Variants in MKRN2 observed in about 807,000 individuals in gnomAD.
MKRN2 encodes the protein E3 ubiquitin-protein ligase makorin-2.
A neutral mutation model predicts 45.4 loss-of-function variants in MKRN2; 32 were observed. The observed-to-expected ratio is 0.70, with a 90% CI of 0.53 to 0.95. The LOEUF (loss-of-function observed/expected upper bound fraction) is 0.95. MKRN2 is among the 40% of genes least tolerant of loss of function. The probability of loss-of-function intolerance (pLI) is 0.00; values close to 1 mark genes in which losing one functional copy is unlikely to be tolerated. For synonymous variants in MKRN2, 206 were observed against 192.4 expected (o/e 1.07, Z -0.59); for missense variants, 526 against 536.7 (o/e 0.98, Z 0.20).
rs1446690878 is a variant in MKRN2, at chr3:12,582,808, T to C, written c.*555T>C. On this transcript the variant is annotated 3_prime_UTR_variant, in exon 8 of 8. Coordinates refer to ENST00000170447, the MANE Select transcript of MKRN2 (RefSeq NM_014160.5). ...CAACTTTTTTCTAGGGCTTTAAGGG[T>C]GGTCATTTTTTTCAAGTTCTCTCAA... The C allele has an allele frequency of 6.5e-6, 1 of 152,776 alleles. No individual in the cohort carries two copies. The highest frequency in any genetic ancestry group is 2.4e-5 in the African/African-American group (1 of 41,422). The allele number at this position is 152,776 out of a possible 1,614,324, so 9.5% of individuals were successfully genotyped here. A position where few individuals can be genotyped will look rare whatever the true frequency, so the allele number is the denominator to read the frequency against.
intron 1 of MKRN2, among the ~76,000 whole-genome samples, chr3:12,560,362 C>T (rs949295402): frequency 2.6e-4 from 39 of 151,564 alleles, no homozygotes; most frequent in African/African-American, 8.5e-4. Context: ...CTAATCAGTA[C>T]ATTTATTGCA....
At chr3:12,557,260 C>A in intron 1 of MKRN2, 84 bp downstream of exon 1, 1 of 1,489,684 alleles carries the variant, frequency 6.7e-7, no homozygotes, top group South Asian at 1.2e-5. Context: ...GGTCCGGGAA[C>A]CTGAGGCTAG....
chr3:12,572,308 T>C lies in MKRN2; in HGVS notation c.577T>C (p.Cys193Arg). ...CTGTGTCTACCTGCACGGGGAGGTG[T>C]GTGAAATCTGTAGGCTGCAAGTCTT... Reference protein sequence around the residue: ...DACVYLHGEVCEICRLQVLHP... With the variant: ...DACVYLHGEVREICRLQVLHP... The change falls in exon 4 of 8, where the codon TGT becomes CGT. Residue 193 changes from cysteine (C) to arginine (R), a missense_variant. Transcript: ENST00000170447. 6.2e-7 allele frequency: 1 copy of C among 1,611,574 alleles called. No individual in the cohort carries two copies. The highest frequency in any genetic ancestry group is 8.5e-7 in the Non-Finnish European group (1 of 1,178,022).
At chr3:12,560,881 T>C (rs2058031616) in intron 1 of MKRN2, 1 of 152,204 alleles carries the variant, frequency 6.6e-6, no homozygotes. Flanking sequence ...GGTTGAGCAG[T>C]TGGAAATTCA....
chr3:12,560,408 C>G (rs536676967), intron 1 of MKRN2, among the ~76,000 whole-genome samples: 1 of 151,520 alleles, frequency 6.6e-6, no homozygotes, highest in Admixed American at 6.6e-5. Context: ...CTTCCTTCCC[C>G]CTCAGTGGAT....
intron 1 of MKRN2, among the ~76,000 whole-genome samples, chr3:12,559,414 C>T (rs551508628): frequency 3.3e-5 from 5 of 152,022 alleles, no homozygotes; most frequent in African/African-American, 1.2e-4. Flanking sequence ...GCAGCGTGTG[C>T]GGTTTTTTGT....
chr3:12,565,266 C>T (rs58510799), intron 1 of MKRN2, among the ~76,000 whole-genome samples: 1,978 of 152,282 alleles, frequency 0.013, 38 homozygotes, highest in African/African-American at 0.045. Flanking sequence ...CTAGGTCCCA[C>T]GTACAGCCTC....
intron 4 of MKRN2, among the ~76,000 whole-genome samples, chr3:12,573,753 T>A (rs988342739): frequency 2.0e-5 from 3 of 151,696 alleles, no homozygotes; most frequent in Non-Finnish European, 4.4e-5. Flanking sequence ...GTTAACTGGG[T>A]GTGGTGGCGG....
rs7956 is a variant in MKRN2, at chr3:12,583,264, T to C, written c.*1011T>C. Reference sequence around the variant, plus strand: ...TTTGATTTTAATTGAAGGGTGAGCATAACCTTGTGAACCAGCACTAGCTTG... The same window carrying C: ...TTTGATTTTAATTGAAGGGTGAGCACAACCTTGTGAACCAGCACTAGCTTG... On this transcript the variant is annotated 3_prime_UTR_variant, in exon 8 of 8. Coordinates refer to ENST00000170447, the MANE Select transcript of MKRN2 (RefSeq NM_014160.5). The C allele has an allele frequency of 0.25, 38,268 of 152,414 alleles. 5,309 individuals carry two copies. Among genetic ancestry groups the C allele is most frequent in the African/African-American group, 0.36 (14,985 of 41,474 alleles). The allele number at this position is 152,414 out of a possible 1,614,324, so 9.4% of individuals were successfully genotyped here.
intron 1 of MKRN2, among the ~76,000 whole-genome samples, chr3:12,562,990 C>A (rs982462297): frequency 2.0e-5 from 3 of 152,162 alleles, no homozygotes; most frequent in Non-Finnish European, 2.9e-5. Context: ...CCCATCCCCC[C>A]ATTCCGTGGA....
intron 1 of MKRN2, among the ~76,000 whole-genome samples, chr3:12,560,592 T>C (rs1194538767): frequency 6.6e-6 from 1 of 152,084 alleles, no homozygotes; most frequent in East Asian, 1.9e-4. Flanking sequence ...AGAAACCAGA[T>C]TGATTGTTTT....
At chr3:12,577,164 C>T (rs1166777334) in intron 6 of MKRN2, 1 of 153,222 alleles carries the variant, frequency 6.5e-6, no homozygotes, top group African/African-American at 2.4e-5. Context: ...GTCTTGAACT[C>T]CTAGGCTCAA....
intron 2 of MKRN2, among the ~76,000 whole-genome samples, chr3:12,569,280 G>A (rs1160792170): frequency 6.6e-6 from 1 of 151,006 alleles, no homozygotes. Context: ...AGCCTCCCAA[G>A]TAGCTGAGAT....
intron 1 of MKRN2, among the ~76,000 whole-genome samples, chr3:12,566,997 C>T (rs1225720515): frequency 2.0e-5 from 3 of 152,144 alleles, no homozygotes; most frequent in African/African-American, 4.8e-5. Flanking sequence ...AATAGCTGTT[C>T]TTAAGGTCTT....
At chr3:12,571,014 G>C (rs1266515762) in intron 3 of MKRN2, among the ~76,000 whole-genome samples, 1 of 152,162 alleles carries the variant, frequency 6.6e-6, no homozygotes, top group Non-Finnish European at 1.5e-5. Context: ...GCACCTTTGG[G>C]AAAAGAATAG....
intron 1 of MKRN2, among the ~76,000 whole-genome samples, chr3:12,558,439 C>T (rs1023780829): frequency 6.6e-6 from 1 of 152,142 alleles, no homozygotes; most frequent in Admixed American, 6.5e-5. Flanking sequence ...AGCTTGTAGC[C>T]TCCTAGAAAA....
rs1019069181 is a variant in MKRN2 at position 12,582,914 on chromosome 3, G to A, written c.*661G>A. On this transcript the variant is annotated 3_prime_UTR_variant, in exon 8 of 8. Transcript: ENST00000170447. Reference sequence around the variant, plus strand: ...AGTATAGATCTTCTTCTCCCTTAGGGAGGCTCTTGAAGGAGCAGGAGGTAC... The same window carrying A: ...AGTATAGATCTTCTTCTCCCTTAGGAAGGCTCTTGAAGGAGCAGGAGGTAC... 5 of 152,474 alleles carry A rather than the reference G, an allele frequency of 3.3e-5. No homozygotes were observed. 9.4% of individuals were successfully genotyped at this position (152,474 alleles called of 1,614,324 possible). A position where few individuals can be genotyped will look rare whatever the true frequency, so the allele number is the denominator to read the frequency against.
rs1434948482 is a variant in MKRN2 at position 12,582,238 on chromosome 3, A to G, written c.1236A>G (p.Glu412=). 1 of 1,614,108 alleles carries G rather than the reference A, an allele frequency of 6.2e-7. No homozygotes were observed. Among genetic ancestry groups the G allele is most frequent in the Non-Finnish European group, 8.5e-7 (1 of 1,180,002 alleles). Residue 412 remains glutamate, a synonymous_variant, in exon 8 of 8, where the codon GAA becomes GAG. Transcript: ENST00000170447. ...GDLFMHLSGV[E]SSEP ...TCTTCATGCACCTTTCTGGAGTGGA[A>G]TCATCAGAACCCTAAAGAGTAGATG...
At chr3:12,577,351 G>T (rs2058148198) in intron 6 of MKRN2, 1 of 152,068 alleles carries the variant, frequency 6.6e-6, no homozygotes. Context: ...TTTAGCTATT[G>T]TTTCATTAAC....
Sources: allele counts gnomAD v4.1 joint callset (sites outside exome capture counted in the v4.1 genomes callset), GRCh38; gene constraint gnomAD v4.1.1; transcripts MANE v1.5; gene names NCBI Gene and HGNC (gene_info 2026-07-23, HGNC 2026-07-21).